Variants in PKD1L1 observed in about 807,000 individuals in gnomAD.
PKD1L1 encodes polycystin-1-like protein 1.
PKD1L1 carries 236 observed loss-of-function variants against 323.4 expected under a neutral mutation model. That is an observed-to-expected ratio of 0.73 (90% confidence interval 0.66 to 0.81). PKD1L1 has a LOEUF of 0.81. PKD1L1 is among the 40% of genes least tolerant of loss of function. The probability of loss-of-function intolerance (pLI) is 0.00; values close to 1 mark genes in which losing one functional copy is unlikely to be tolerated. For synonymous variants in PKD1L1, 1,344 were observed against 1,335.0 expected (o/e 1.01, Z -0.15); for missense variants, 3,320 against 3,508.0 (o/e 0.95, Z 1.35).
chr7:47,837,735 C>G (rs1315081014), intron 36 of PKD1L1, among the ~76,000 whole-genome samples: 2 of 152,168 alleles, frequency 1.3e-5, no homozygotes, highest in South Asian at 4.2e-4. Context: ...GTGGGAGATA[C>G]GTTGTTTAGG....
chr7:47,908,357 C>T (rs1787252648), intron 8 of PKD1L1, 107 bp from the exon 9 acceptor site: 1 of 1,046,550 alleles, frequency 9.6e-7, no homozygotes, highest in Admixed American at 2.3e-5. Flanking sequence ...GGAACTGATA[C>T]AGGAGAGGTG....
intron 55 of PKD1L1, among the ~76,000 whole-genome samples, chr7:47,793,231 T>C (rs1433329353): frequency 6.6e-6 from 1 of 152,116 alleles, no homozygotes; most frequent in African/African-American, 2.4e-5. Flanking sequence ...AGTACCGTGA[T>C]TACATATGAC....
chr7:47,878,347 G>A (rs1786454224), intron 21 of PKD1L1, among the ~76,000 whole-genome samples: 1 of 152,112 alleles, frequency 6.6e-6, no homozygotes, highest in African/African-American at 2.4e-5. Flanking sequence ...ACCCCATAAT[G>A]ATTATTCTCA....
chr7:47,781,960 G>C (rs1786708106), intron 56 of PKD1L1, among the ~76,000 whole-genome samples: 1 of 152,180 alleles, frequency 6.6e-6, no homozygotes, highest in Admixed American at 6.6e-5. Context: ...CCTTTGTCAA[G>C]ATGAGTTTGG....
At chr7:47,899,955 CAA>C (rs10639721) in intron 13 of PKD1L1, among the ~76,000 whole-genome samples, 2 of 106,478 alleles carry the variant, frequency 1.9e-5, no homozygotes, top group Non-Finnish European at 3.7e-5. Flanking sequence ...GACTCCATCC[CAA>C]AAAAAAAAAA....
intron 15 of PKD1L1, among the ~76,000 whole-genome samples, chr7:47,893,229 CAAAAA>C (rs529686945): frequency 5.7e-5 from 3 of 53,024 alleles, no homozygotes; most frequent in Non-Finnish European, 8.3e-5. Context: ...GACCCTATCT[CAAAAA>C]AAAAAAAAAA....
intron 46 of PKD1L1, among the ~76,000 whole-genome samples, chr7:47,820,289 GC>G (rs1226322804): frequency 6.6e-6 from 1 of 152,196 alleles, no homozygotes; most frequent in Non-Finnish European, 1.5e-5. Flanking sequence ...GCTTGCCTTT[GC>G]CTGGTGGTAT....
At chr7:47,776,600 T>C (rs2128720321) in intron 56 of PKD1L1, among the ~76,000 whole-genome samples, 1 of 152,336 alleles carries the variant, frequency 6.6e-6, no homozygotes, top group Admixed American at 6.5e-5. Context: ...GTGCTGAGAA[T>C]GTAGTAGGTA....
At chr7:47,888,245 T>C in intron 16 of PKD1L1, 95 bp from the exon 17 acceptor site, 1 of 1,314,178 alleles carries the variant, frequency 7.6e-7, no homozygotes, top group East Asian at 2.4e-5. Context: ...ATCACCCTAC[T>C]TTGGATCTTT....
At chr7:47,918,838 CG>C (rs1562989787) in intron 7 of PKD1L1, among the ~76,000 whole-genome samples, 1 of 152,088 alleles carries the variant, frequency 6.6e-6, no homozygotes. Flanking sequence ...AGTGACACAA[CG>C]TATCAAAACC....
chr7:47,802,694 T>A (rs1784689969), intron 53 of PKD1L1, among the ~76,000 whole-genome samples: 1 of 152,218 alleles, frequency 6.6e-6, no homozygotes, highest in Non-Finnish European at 1.5e-5. Flanking sequence ...CCCCAGGAAC[T>A]TCATCAGGGC....
chr7:47,836,153 C>T (rs985173105), intron 37 of PKD1L1, among the ~76,000 whole-genome samples: 12 of 152,116 alleles, frequency 7.9e-5, no homozygotes, highest in African/African-American at 2.2e-4. Flanking sequence ...ATTCTGTGCG[C>T]TGTTATTTTT....
At chr7:47,864,948 G>A (rs1221715482) in intron 26 of PKD1L1, among the ~76,000 whole-genome samples, 4 of 151,968 alleles carry the variant, frequency 2.6e-5, no homozygotes, top group African/African-American at 4.8e-5. Flanking sequence ...GGCTGGTCTC[G>A]AACTCCTGAC....
At position 47,808,356 on chromosome 7, in the gene PKD1L1, T is replaced by C. The variant is rs200241881; in HGVS notation, c.7718A>G (p.Tyr2573Cys). ...AGTAACAAGGTGGCCGGAAACTGCA[T>C]AGTAGGTGAGGCTCACTCCAACCAC... is the stretch of plus-strand genomic sequence containing the variant. ...LSVVGVSLTY[Y>C]AVSGHLVTLA... The change falls in exon 52 of 57, where the codon TAT becomes TGT. Residue 2573 changes from tyrosine (Y) to cysteine (C), a missense_variant. Coordinates refer to ENST00000289672, the MANE Select transcript of PKD1L1 (RefSeq NM_138295.5). The C allele has an allele frequency of 4.6e-4, 735 of 1,613,914 alleles. 2 individuals carry two copies. Among genetic ancestry groups the C allele is most frequent in the Non-Finnish European group, 5.9e-4 (694 of 1,180,010 alleles).
At chr7:47,785,319 T>C (rs934589189) in intron 56 of PKD1L1, among the ~76,000 whole-genome samples, 1 of 152,224 alleles carries the variant, frequency 6.6e-6, no homozygotes, top group Admixed American at 6.5e-5. Flanking sequence ...AGGAATATAA[T>C]GTTTTCTGAG....
At chr7:47,892,498 G>T (rs1786842537) in intron 15 of PKD1L1, among the ~76,000 whole-genome samples, 1 of 152,102 alleles carries the variant, frequency 6.6e-6, no homozygotes, top group Non-Finnish European at 1.5e-5. Context: ...GTGCTGGAGG[G>T]TCAAACTGTG....
intron 19 of PKD1L1, among the ~76,000 whole-genome samples, chr7:47,884,149 T>G: frequency 7.7e-6 from 1 of 129,212 alleles, no homozygotes; most frequent in African/African-American, 3.2e-5. Flanking sequence ...AATACTGAGC[T>G]GGTGTGTGTG....
chr7:47,885,180 G>A (rs1256146423), intron 18 of PKD1L1, among the ~76,000 whole-genome samples: 1 of 152,168 alleles, frequency 6.6e-6, no homozygotes, highest in Non-Finnish European at 1.5e-5. Flanking sequence ...CAGCTGAATT[G>A]ACAAGAGCAT....
At chr7:47,820,001 G>A (rs758492784) in intron 46 of PKD1L1, among the ~76,000 whole-genome samples, 9 of 152,098 alleles carry the variant, frequency 5.9e-5, no homozygotes, top group African/African-American at 1.9e-4. Context: ...GTAACTCCTG[G>A]AACACACTGA....
Sources: gnomAD v4.1 joint callset for allele counts (sites outside exome capture counted in the v4.1 genomes callset) on GRCh38, gnomAD v4.1.1 for gene constraint, MANE v1.5 for transcripts, NCBI Gene and HGNC (gene_info 2026-07-23, HGNC 2026-07-21) for gene names.